Variants in ZNF469 observed in about 807,000 individuals in gnomAD.
The protein encoded by ZNF469 is zinc finger protein 469.
ZNF469 carries 1 observed loss-of-function variant against 1.0 expected under a neutral mutation model. The observed-to-expected ratio is 1.00, with a 90% CI of 0.35 to 4.73. The LOEUF (loss-of-function observed/expected upper bound fraction) is 4.73, where lower values mean the gene tolerates loss of function less well. Among genes scored for constraint, ZNF469 ranks in the 30% most tolerant of loss-of-function variants. The pLI, the probability that ZNF469 is intolerant of heterozygous loss-of-function variation, is 0.16. For missense variants in ZNF469, 6,100 were observed against 5,356.3 expected (o/e 1.14, Z -4.33); for synonymous variants, 2,703 against 2,363.4 (o/e 1.14, Z -4.17).
chr16:88,343,929 G>A, the ZNF469 span, among the ~76,000 whole-genome samples: 4 of 152,108 alleles, frequency 2.6e-5, no homozygotes, highest in Admixed American at 2.0e-4. Flanking sequence ...TGACAAACAC[G>A]ACCTCGGCCA....
the ZNF469 span, among the ~76,000 whole-genome samples, chr16:88,189,294 T>C: frequency 0.78 from 118,251 of 152,056 alleles, 46,129 homozygotes; most frequent in African/African-American, 0.83. The surrounding 1 kb of genome is among the most constrained non-coding windows in gnomAD (Gnocchi z 4.3). Context: ...GCTTGGGTGT[T>C]AGCCCCACAA....
chr16:88,221,047 G>C, the ZNF469 span, among the ~76,000 whole-genome samples: 1 of 152,166 alleles, frequency 6.6e-6, no homozygotes, highest in East Asian at 1.9e-4. Context: ...TGGTGAAGGC[G>C]TTAATCAGGG....
At chr16:88,265,978 G>A in the ZNF469 span, among the ~76,000 whole-genome samples, 2 of 152,208 alleles carry the variant, frequency 1.3e-5, no homozygotes, top group Non-Finnish European at 2.9e-5. Context: ...TGCACATGAC[G>A]GGCCCTGAGT....
the ZNF469 span, among the ~76,000 whole-genome samples, chr16:88,228,712 T>C: frequency 5.9e-5 from 9 of 152,206 alleles, no homozygotes; most frequent in African/African-American, 2.2e-4. Flanking sequence ...TCTGGAGAGT[T>C]TCCTTCCGGC....
chr16:88,387,281 G>A (rs997360789), intron 1 of ZNF469, among the ~76,000 whole-genome samples: 8 of 152,270 alleles, frequency 5.3e-5, no homozygotes, highest in East Asian at 1.9e-4. Flanking sequence ...GCTATCGGCC[G>A]TCCAGCCCCC....
At chr16:88,168,117 A>T in the ZNF469 span, among the ~76,000 whole-genome samples, 10 of 152,348 alleles carry the variant, frequency 6.6e-5, no homozygotes, top group African/African-American at 2.4e-4. The surrounding 1 kb of genome is among the most constrained non-coding windows in gnomAD (Gnocchi z 4.3). Flanking sequence ...GTAAGAGCTA[A>T]TTGGCACCGG....
intron 1 of ZNF469, among the ~76,000 whole-genome samples, chr16:88,401,928 ATGGATAGATACG>A (rs1567501805): frequency 3.4e-4 from 31 of 91,898 alleles, no homozygotes; most frequent in Non-Finnish European, 6.2e-4. Flanking sequence ...GGATGGATGG[ATGGATAGATACG>A]TGGGTGGATG....
At chr16:88,282,332 C>A in the ZNF469 span, among the ~76,000 whole-genome samples, 2 of 152,126 alleles carry the variant, frequency 1.3e-5, no homozygotes, top group Non-Finnish European at 2.9e-5. Flanking sequence ...GGGTTTATGT[C>A]AAAAGTCAGC....
At chr16:88,103,109 GT>G in the ZNF469 span, among the ~76,000 whole-genome samples, 20 of 152,254 alleles carry the variant, frequency 1.3e-4, no homozygotes. Context: ...GTCCACTGCA[GT>G]GGCCGGTTTC....
At chr16:88,409,013 A>C (rs900249804) in intron 1 of ZNF469, among the ~76,000 whole-genome samples, 6 of 152,206 alleles carry the variant, frequency 3.9e-5, no homozygotes, top group Non-Finnish European at 8.8e-5. Flanking sequence ...TCAGCCCAGC[A>C]GGGGGGCCCT....
chr16:88,185,555 T>TCA, the ZNF469 span, among the ~76,000 whole-genome samples: 1 of 148,874 alleles, frequency 6.7e-6, no homozygotes, highest in Non-Finnish European at 1.5e-5. Flanking sequence ...ACATTCGCAC[T>TCA]CACACACACG....
At chr16:88,245,444 GT>G in the ZNF469 span, among the ~76,000 whole-genome samples, 1 of 152,276 alleles carries the variant, frequency 6.6e-6, no homozygotes, top group East Asian at 1.9e-4. Context: ...CGCAGCCGCT[GT>G]GAGACTCAGC....
At chr16:88,123,239 C>T in the ZNF469 span, among the ~76,000 whole-genome samples, 8 of 152,096 alleles carry the variant, frequency 5.3e-5, no homozygotes, top group African/African-American at 1.7e-4. Flanking sequence ...TCCAGGGTTT[C>T]GTGTCCATGG....
chr16:88,303,653 C>T, the ZNF469 span, among the ~76,000 whole-genome samples: 1 of 152,214 alleles, frequency 6.6e-6, no homozygotes. Flanking sequence ...ATGGCTCCGG[C>T]GGTGCCTCCA....
At chr16:88,305,874 TACAC>T in the ZNF469 span, among the ~76,000 whole-genome samples, 1 of 152,090 alleles carries the variant, frequency 6.6e-6, no homozygotes, top group African/African-American at 2.4e-5. Flanking sequence ...CATGTTCACA[TACAC>T]ACATACATCC....
At chr16:88,420,964 G>C (rs1354490230) in intron 1 of ZNF469, among the ~76,000 whole-genome samples, 2 of 152,094 alleles carry the variant, frequency 1.3e-5, no homozygotes, top group Admixed American at 6.5e-5. Context: ...AACGGGAGGG[G>C]CAACCCAATC....
intron 1 of ZNF469, among the ~76,000 whole-genome samples, chr16:88,410,552 C>T (rs894342361): frequency 2.7e-5 from 4 of 149,194 alleles, no homozygotes; most frequent in African/African-American, 2.5e-5. Context: ...ACACAGTTCA[C>T]GGTGACGTCT....
At chr16:88,180,169 A>G in the ZNF469 span, among the ~76,000 whole-genome samples, 2 of 152,348 alleles carry the variant, frequency 1.3e-5, no homozygotes, top group South Asian at 4.1e-4. Context: ...AAACGGAAAA[A>G]TTATTTAAAA....
chr16:88,434,201 C>A lies in ZNF469; in HGVS notation c.6731C>A (p.Thr2244Asn), dbSNP rs771701091. 148 of 1,550,254 alleles carry A rather than the reference C, an allele frequency of 9.5e-5. 1 individual carries two copies. The Admixed American group carries it at 2.7e-3, about 28-fold the overall frequency. ...GTAACCTGCACTCACAGTGGGGACA[C>A]CCCCAAAGACAGCACTTTAAGAATT... ...SAVTCTHSGD[T>N]PKDSTLRIPE... is the part of the protein sequence containing the mutation. The change falls in exon 3 of 3, where the codon ACC becomes AAC. Residue 2244 changes from threonine to asparagine, a missense_variant. Thr to Asn is a moderately conservative substitution (Grantham distance 65). Coordinates refer to ENST00000565624, the MANE Select transcript of ZNF469 (RefSeq NM_001367624.2).
Sources: gnomAD v4.1 joint callset for allele counts (sites outside exome capture counted in the v4.1 genomes callset) on GRCh38, gnomAD v4.1.1 for gene constraint, Gnocchi (gnomAD v3.1) non-coding constraint, MANE v1.5 for transcripts, NCBI Gene and HGNC (gene_info 2026-07-23, HGNC 2026-07-21) for gene names.